The following UNC93B1 variants were observed in gnomAD, a reference collection of about 807,000 sequenced individuals.
UNC93B1 encodes protein unc-93 homolog B1.
A neutral mutation model predicts 56.8 loss-of-function variants in UNC93B1; 33 were observed. The ratio of observed to expected loss-of-function variants is 0.58; its 90% CI spans 0.44 to 0.78. UNC93B1 has a LOEUF of 0.78. Ranked by LOEUF, UNC93B1 falls within the 30% of genes least tolerant of loss-of-function variation. The pLI is 0.00. For missense variants in UNC93B1, 673 were observed against 819.5 expected, an observed-to-expected ratio of 0.82 and a Z score of 2.18; for synonymous variants, 334 against 358.6, an observed-to-expected ratio of 0.93 and a Z score of 0.77.
chr11:68,003,206 G>T lies in UNC93B1; in HGVS notation c.239-31C>A. 2 of 1,592,196 alleles carry T rather than the reference G, an allele frequency of 1.3e-6. No individual in the cohort carries two copies. Among genetic ancestry groups the T allele is most frequent in the African/African-American group, 1.3e-5 (1 of 74,334 alleles). On this transcript the variant is annotated intron_variant, in intron 2 of 10. Transcript: ENST00000227471. The surrounding 1 kb of genome is among the most constrained non-coding windows in gnomAD (Gnocchi z 4.4). ...GACAGGACAGAGAGCGGCGTGCAGG[G>T]AGCAGCCTAGCTTTGGGCGCCACCG...
In UNC93B1 at chr11:68,003,196, G is replaced by C. The variant is rs779123773; in HGVS notation, c.239-21C>G. The C allele has an allele frequency of 6.2e-7, 1 of 1,601,776 alleles. No homozygotes were observed. The highest frequency in any genetic ancestry group is 8.5e-7 in the Non-Finnish European group (1 of 1,177,582). On this transcript the variant is annotated intron_variant, in intron 2 of 10. Coordinates refer to ENST00000227471, the MANE Select transcript of UNC93B1 (RefSeq NM_030930.4). The surrounding 1 kb of genome is among the most constrained non-coding windows in gnomAD (Gnocchi z 4.4). Reference sequence around the variant, plus strand: ...GAGGCCTGGGGACAGGACAGAGAGCGGCGTGCAGGGAGCAGCCTAGCTTTG... The same window carrying C: ...GAGGCCTGGGGACAGGACAGAGAGCCGCGTGCAGGGAGCAGCCTAGCTTTG...
rs754049416 is a variant in UNC93B1 at position 67,993,794 on chromosome 11, G to A, written c.1364C>T (p.Thr455Ile). 7.2e-6 allele frequency: 8 copies of A among 1,109,082 alleles called. No individual in the cohort carries two copies. In the Admixed American group the frequency reaches 1.6e-4, roughly 22 times the overall value. The allele number at this position is 1,109,082 out of a possible 1,614,324, so 68.7% of individuals were successfully genotyped here. ...GTCTTCGTACAAGATTCCCAGGAGT[G>A]CTGCAGGCAGGCAGTACAGGGCAGG... ...GSALNKTGLS[T>I]LLGILYEDKE... is the part of the protein sequence containing the mutation. Residue 455 changes from threonine (T) to isoleucine (I), a missense_variant and splice_region_variant, in exon 10 of 11, where the codon ACA becomes ATA. Transcript: ENST00000227471.
chr11:67,999,672 C>A lies in UNC93B1; in HGVS notation c.401G>T (p.Gly134Val). ...LYTPVLIRFF[G>V]TKWMMFLAVG... ...AGCGAGGAACATCATCCACTTCGTTCCAAAAAACCTGCGGACAGTGGGAGA... is the reference window on the plus strand; with the variant it reads ...AGCGAGGAACATCATCCACTTCGTTACAAAAAACCTGCGGACAGTGGGAGA... The change falls in exon 4 of 11, where the codon GGA becomes GTA. Residue 134 changes from glycine (G) to valine (V), a missense_variant. Around this residue, in one of 3 missense-constraint regions of UNC93B1, gnomAD observed 438 missense variants for 465.9 expected, o/e 0.94. Transcript: ENST00000227471. The A allele has an allele frequency of 6.2e-7, 1 of 1,611,134 alleles. No individual in the cohort carries two copies. Among genetic ancestry groups the A allele is most frequent in the East Asian group, 2.2e-5 (1 of 44,768 alleles).
chr11:67,994,290 T>C (rs1290384479), intron 9 of UNC93B1, among the ~76,000 whole-genome samples: 1 of 152,324 alleles, frequency 6.6e-6, no homozygotes, highest in South Asian at 2.1e-4. Flanking sequence ...AGTCAGAAGA[T>C]GCACGCTCGT....
intron 3 of UNC93B1, among the ~76,000 whole-genome samples, chr11:68,001,330 G>C (rs1237713078): frequency 6.6e-6 from 1 of 152,178 alleles, no homozygotes; most frequent in Non-Finnish European, 1.5e-5. Context: ...ACCTAGTAAA[G>C]ACATTGTTGA....
chr11:67,998,308 G>C, intron 6 of UNC93B1, 51 bp downstream of exon 6: 1 of 1,597,982 alleles, frequency 6.3e-7, no homozygotes. Flanking sequence ...TGTCTGCTGG[G>C]GAAGTAAGCA....
In UNC93B1 at chr11:67,997,475, C is replaced by G. The variant is rs3751088; in HGVS notation, c.906+200G>C. On this transcript the variant is annotated intron_variant, in intron 7 of 10. Coordinates refer to ENST00000227471, the MANE Select transcript of UNC93B1 (RefSeq NM_030930.4). ...CCTGCCTCGGACCACAGGCCTCAGC[C>G]CCGCCTCCGAGCCTCATGCCCGCTC... The G allele has an allele frequency of 6.7e-3, 6,067 of 899,922 alleles. 165 individuals are homozygous for G. The East Asian group carries it at 0.074, about 11-fold the overall frequency. The allele number at this position is 899,922 out of a possible 1,614,324, so 55.7% of individuals were successfully genotyped here.
rs767929114 is a variant in UNC93B1, at chr11:67,996,749, C to A, written c.942G>T (p.Thr314=). 3.8e-6 allele frequency: 6 copies of A among 1,562,272 alleles called. No individual in the cohort carries two copies. The highest frequency in any genetic ancestry group is 2.6e-6 in the Non-Finnish European group (3 of 1,152,984). ...LGLCGAAYRP[T]EEIDLRSVGW... is the part of the protein sequence containing the mutation. ...CCACGCTGCGCAGATCGATCTCCTCCGTGGGCCGGTAAGCGGCTCCGCACA... is the reference window on the plus strand; with the variant it reads ...CCACGCTGCGCAGATCGATCTCCTCAGTGGGCCGGTAAGCGGCTCCGCACA... Residue 314 remains threonine, a synonymous_variant, in exon 8 of 11, where the codon ACG becomes ACT. Transcript: ENST00000227471.
rs1428035135 is a variant in UNC93B1 at position 68,004,064 on chromosome 11, C to G, written c.-21G>C. ...TCCATGGCCCGAACTACTGCGGACT[C>G]GCGGCGGTCGCCCCGGAGTCCCTGC... On this transcript the variant is annotated 5_prime_UTR_variant, in exon 1 of 11. Transcript: ENST00000227471. 4 of 1,328,670 alleles carry G rather than the reference C, an allele frequency of 3.0e-6. No individual in the cohort carries two copies. The highest frequency in any genetic ancestry group is 1.9e-5 in the South Asian group (1 of 52,628). 82.3% of individuals were successfully genotyped at this position (1,328,670 alleles called of 1,614,324 possible).
Position 67,999,499 on chromosome 11 carries a change from C to A in UNC93B1, c.554+20G>T. On this transcript the variant is annotated intron_variant, in intron 4 of 10. Coordinates refer to ENST00000227471, the MANE Select transcript of UNC93B1 (RefSeq NM_030930.4). The stretch of plus-strand genomic sequence containing the variant: ...TTGGCCAGGTCTCCAGCCTCCTGCC[C>A]TGCTGCCCACCAGGCTCACCTGGTG... The A allele has an allele frequency of 6.5e-7, 1 of 1,545,388 alleles. No homozygotes were observed.
chr11:68,003,475 A>T lies in UNC93B1; in HGVS notation c.238+182T>A. 1 of 968,800 alleles carries T rather than the reference A, an allele frequency of 1.0e-6. No homozygotes were observed. The highest frequency in any genetic ancestry group is 1.4e-6 in the Non-Finnish European group (1 of 697,748). The allele number at this position is 968,800 out of a possible 1,614,324, so 60.0% of individuals were successfully genotyped here. On this transcript the variant is annotated intron_variant, in intron 2 of 10. Transcript: ENST00000227471. The surrounding 1 kb of genome is among the most constrained non-coding windows in gnomAD (Gnocchi z 4.4). ...CACCCACACCGAGGCTCTGGCTGGG[A>T]CCCGGGGACGCTGCGCTACTTGACC...
chr11:67,997,600 A>T, intron 7 of UNC93B1, 75 bp downstream of exon 7: 1 of 1,590,570 alleles, frequency 6.3e-7, no homozygotes, highest in African/African-American at 1.3e-5. Flanking sequence ...TCCGATCCAG[A>T]CCCTTTCTCG....
rs772375655 is a variant in UNC93B1, at chr11:67,997,747, C to A, written c.834G>T (p.Thr278=). Residue 278 remains threonine, a synonymous_variant, in exon 7 of 11, where the codon ACG becomes ACT. Coordinates refer to ENST00000227471, the MANE Select transcript of UNC93B1 (RefSeq NM_030930.4). ...LSGFNKTVLR[T]LPRSGNLIVV... ...CAATGAGGTTTCCGCTCCGCGGGAG[C>A]GTCCGCAGAACCGTCTTGTTGAAGC... 21 of 1,610,000 alleles carry A rather than the reference C, an allele frequency of 1.3e-5. No homozygotes were observed. The highest frequency in any genetic ancestry group is 1.4e-5 in the Non-Finnish European group (17 of 1,179,860).
rs552451346 is a variant in UNC93B1, at chr11:68,003,458, C to T, written c.238+199G>A. ...CCCGGACCCCCGTCCCCCACCCACA[C>T]CGAGGCTCTGGCTGGGACCCGGGGA... On this transcript the variant is annotated intron_variant, in intron 2 of 10. Transcript: ENST00000227471. The surrounding 1 kb of genome is among the most constrained non-coding windows in gnomAD (Gnocchi z 4.4). 485 of 908,062 alleles carry T rather than the reference C, an allele frequency of 5.3e-4. 1 individual carries two copies. The highest frequency in any genetic ancestry group is 1.8e-3 in the Middle Eastern group (5 of 2,844). 56.3% of individuals were successfully genotyped at this position (908,062 alleles called of 1,614,324 possible).
In UNC93B1 at chr11:68,003,024, G is replaced by A. The variant is rs1336011202; in HGVS notation, c.390C>T (p.Ile130=). ...IAALLYTPVL[I]RFFGTKWMMF... ...CCCACAGGAGCAGCCGCGCCCACCT[G>A]ATGAGCACAGGTGTGTAGAGCAGGG... The change falls in exon 3 of 11, where the codon ATC becomes ATT. Residue 130 remains isoleucine, a splice_region_variant and synonymous_variant. Coordinates refer to ENST00000227471, the MANE Select transcript of UNC93B1 (RefSeq NM_030930.4). The surrounding 1 kb of genome is among the most constrained non-coding windows in gnomAD (Gnocchi z 4.4). 5 of 1,609,710 alleles carry A rather than the reference G, an allele frequency of 3.1e-6. No homozygotes were observed. Among genetic ancestry groups the A allele is most frequent in the South Asian group, 1.1e-5 (1 of 90,278 alleles).
At chr11:67,995,254 C>G (rs1172356363) in intron 9 of UNC93B1, among the ~76,000 whole-genome samples, 1 of 152,162 alleles carries the variant, frequency 6.6e-6, no homozygotes, top group Non-Finnish European at 1.5e-5. Context: ...GGGGTGTCCA[C>G]AGAGCCCCAC....
chr11:67,996,674 G>C lies in UNC93B1; in HGVS notation c.1017C>G (p.Arg339=). The C allele has an allele frequency of 6.4e-7, 1 of 1,551,632 alleles. No individual in the cohort carries two copies. Among genetic ancestry groups the C allele is most frequent in the South Asian group, 1.2e-5 (1 of 84,070 alleles). The change falls in exon 8 of 11, where the codon CGC becomes CGG. Residue 339 remains arginine (R), a synonymous_variant. Coordinates refer to ENST00000227471, the MANE Select transcript of UNC93B1 (RefSeq NM_030930.4). ...TAAAGAAAGGCACGAGGTGGCGCAG[G>C]CGGTAGTCACGCACGTGCTTGAAGG... ...QLPFKHVRDY[R]LRHLVPFFIY...
At chr11:67,998,599 A>G (rs971483040) in intron 5 of UNC93B1, 147 bp from the exon 6 acceptor site, 2 of 725,814 alleles carry the variant, frequency 2.8e-6, no homozygotes, top group Non-Finnish European at 2.3e-6. Context: ...GGGCCGCCCA[A>G]TGAGGAAGAC....
intron 7 of UNC93B1, 183 bp downstream of exon 7, chr11:67,997,492 T>G: frequency 1.9e-6 from 2 of 1,077,962 alleles, no homozygotes. Context: ...CCGAGCCTCA[T>G]GCCCGCTCTG....
Sources: gnomAD v4.1 joint callset for allele counts (sites outside exome capture counted in the v4.1 genomes callset) on GRCh38, gnomAD v4.1.1 for gene constraint, gnomAD v4.1.1 regional missense constraint, Gnocchi (gnomAD v3.1) non-coding constraint, MANE v1.5 for transcripts, NCBI Gene and HGNC (gene_info 2026-07-23, HGNC 2026-07-21) for gene names.